Variants in GABRB2 observed in about 807,000 individuals in gnomAD.
The protein encoded by GABRB2 is gamma-aminobutyric acid receptor subunit beta-2.
GABRB2 carries 16 observed loss-of-function variants against 54.7 expected under a neutral mutation model. That is an observed-to-expected ratio of 0.29 (90% CI 0.20 to 0.44). GABRB2 has a LOEUF of 0.44. Ranked by LOEUF, GABRB2 falls within the 20% of genes least tolerant of loss-of-function variation. The pLI is 1.00. For missense variants in GABRB2, 355 were observed against 644.0 expected (o/e 0.55, Z 4.86); for synonymous variants, 244 against 233.8 (o/e 1.04, Z -0.40).
At chr5:161,394,967 A>G (rs1755952156) in intron 5 of GABRB2, among the ~76,000 whole-genome samples, 1 of 152,160 alleles carries the variant, frequency 6.6e-6, no homozygotes, top group Non-Finnish European at 1.5e-5. Context: ...AAATAATAGA[A>G]TATCACATCT....
intron 4 of GABRB2, among the ~76,000 whole-genome samples, chr5:161,454,381 C>A (rs1757886303): frequency 6.6e-6 from 1 of 152,112 alleles, no homozygotes. Flanking sequence ...GTTTGACAAT[C>A]CTTTGAATTT....
chr5:161,510,459 T>G (rs975084738), intron 3 of GABRB2, among the ~76,000 whole-genome samples: 1 of 151,974 alleles, frequency 6.6e-6, no homozygotes, highest in African/African-American at 2.4e-5. Flanking sequence ...GGCCAAATAG[T>G]ACTACATTGT....
At chr5:161,334,955 T>C in intron 6 of GABRB2, 51 bp from the exon 7 acceptor site, 2 of 1,565,842 alleles carry the variant, frequency 1.3e-6, no homozygotes, top group Non-Finnish European at 1.8e-6. Context: ...ATTTATAGGA[T>C]ACTTTTCTTT....
At chr5:161,516,973 A>T (rs1451532004) in intron 3 of GABRB2, among the ~76,000 whole-genome samples, 1 of 152,078 alleles carries the variant, frequency 6.6e-6, no homozygotes, top group African/African-American at 2.4e-5. Context: ...GAGTTAGCAA[A>T]CATCTCACTT....
chr5:161,355,536 A>G (rs1754594519), intron 5 of GABRB2, among the ~76,000 whole-genome samples: 1 of 151,726 alleles, frequency 6.6e-6, no homozygotes, highest in Admixed American at 6.6e-5. Context: ...AACATCTGTG[A>G]CATTGTTTGG....
chr5:161,353,943 C>T (rs1355031816), intron 5 of GABRB2, among the ~76,000 whole-genome samples: 1 of 151,948 alleles, frequency 6.6e-6, no homozygotes, highest in Non-Finnish European at 1.5e-5. Context: ...TTTTCAGATC[C>T]AAGGGGCAGT....
At chr5:161,489,849 T>C (rs12656964) in intron 3 of GABRB2, among the ~76,000 whole-genome samples, 7,443 of 151,850 alleles carry the variant, frequency 0.049, 454 homozygotes, top group Admixed American at 0.17. Flanking sequence ...AATATAAGAA[T>C]ACAAGCTCCT....
At chr5:161,343,474 C>A (rs925113667) in intron 5 of GABRB2, among the ~76,000 whole-genome samples, 2 of 151,904 alleles carry the variant, frequency 1.3e-5, no homozygotes, top group African/African-American at 4.8e-5. Flanking sequence ...GTTTTAAAGA[C>A]CATATATCTA....
intron 3 of GABRB2, among the ~76,000 whole-genome samples, chr5:161,460,464 T>C (rs190888504): frequency 5.3e-5 from 8 of 152,314 alleles, no homozygotes; most frequent in Non-Finnish European, 7.4e-5. Flanking sequence ...ATGAAATATT[T>C]CCGAGGAAGA....
In GABRB2 at chr5:161,520,483, A is replaced by C. The variant is rs568765014; in HGVS notation, c.237+24744T>G. ...TTTATTTTAGTCTGTTCAATTTCTT[A>C]ATATTCAGTTACTGGCTGCCCACTA... On this transcript the variant is annotated intron_variant, in intron 3 of 9. Coordinates refer to ENST00000393959, the MANE Select transcript of GABRB2 (RefSeq NM_001371727.1). 3.3e-5 allele frequency among the ~76,000 whole-genome samples: 5 copies of C among 152,236 alleles called. No homozygotes were observed. The South Asian group carries it at 1.0e-3, about 32-fold the overall frequency.
intron 4 of GABRB2, among the ~76,000 whole-genome samples, chr5:161,423,266 A>C (rs1756901459): frequency 6.6e-6 from 1 of 152,102 alleles, no homozygotes; most frequent in South Asian, 2.1e-4. Context: ...GTTGGGAAAA[A>C]TCCCTCTTCA....
At chr5:161,383,683 C>T (rs901871751) in intron 5 of GABRB2, among the ~76,000 whole-genome samples, 32 of 152,090 alleles carry the variant, frequency 2.1e-4, no homozygotes, top group Middle Eastern at 3.2e-3. Context: ...TCCATCACTG[C>T]GGAACAATTT....
At chr5:161,350,530 G>A (rs538843836) in intron 5 of GABRB2, among the ~76,000 whole-genome samples, 48 of 152,164 alleles carry the variant, frequency 3.2e-4, no homozygotes, top group South Asian at 6.2e-4. Context: ...AAAATACATC[G>A]AAGATAATAC....
At chr5:161,377,298 G>T in intron 5 of GABRB2, among the ~76,000 whole-genome samples, 1 of 151,984 alleles carries the variant, frequency 6.6e-6, no homozygotes, top group East Asian at 1.9e-4. Context: ...TGAAGGAACA[G>T]GGCCTCTGTA....
At chr5:161,513,843 A>G (rs1180499905) in intron 3 of GABRB2, among the ~76,000 whole-genome samples, 3 of 152,116 alleles carry the variant, frequency 2.0e-5, no homozygotes, top group African/African-American at 7.2e-5. Flanking sequence ...CTTCCCAAAA[A>G]ACTCCACAAC....
chr5:161,544,290 G>A (rs1190248201), intron 3 of GABRB2, among the ~76,000 whole-genome samples: 2 of 152,130 alleles, frequency 1.3e-5, no homozygotes, highest in South Asian at 2.1e-4. Context: ...AAGTAACACT[G>A]GAATTCTACA....
At chr5:161,296,594 A>G (rs1757387269) in intron 9 of GABRB2, among the ~76,000 whole-genome samples, 1 of 152,226 alleles carries the variant, frequency 6.6e-6, no homozygotes, top group African/African-American at 2.4e-5. Context: ...CTGTTTCATT[A>G]TCCAAATTCA....
intron 5 of GABRB2, among the ~76,000 whole-genome samples, chr5:161,374,954 A>G (rs1344225101): frequency 6.6e-6 from 1 of 152,182 alleles, no homozygotes; most frequent in Non-Finnish European, 1.5e-5. Flanking sequence ...TGCTGAATAG[A>G]TAAATAAATA....
At chr5:161,498,268 C>A (rs1255476634) in intron 3 of GABRB2, among the ~76,000 whole-genome samples, 1 of 151,982 alleles carries the variant, frequency 6.6e-6, no homozygotes, top group Non-Finnish European at 1.5e-5. Context: ...TCACGTAATG[C>A]TTCACATTAA....
Sources: allele counts gnomAD v4.1 joint callset (sites outside exome capture counted in the v4.1 genomes callset), GRCh38; gene constraint gnomAD v4.1.1; transcripts MANE v1.5; gene names NCBI Gene and HGNC (gene_info 2026-07-23, HGNC 2026-07-21).